The following USP6 variants were observed in gnomAD, a reference collection of about 807,000 sequenced individuals.
USP6 encodes ubiquitin specific peptidase 6.
Under a neutral mutation model 175.7 loss-of-function variants are expected in USP6, and 128 were observed. The observed-to-expected ratio is 0.73, with a 90% CI of 0.63 to 0.84. The LOEUF is 0.84. Ranked by LOEUF, USP6 falls within the 40% of genes least tolerant of loss-of-function variation. USP6 has a pLI of 0.00. For synonymous variants in USP6, 562 were observed against 630.6 expected, an observed-to-expected ratio of 0.89 and a Z score of 1.63; for missense variants, 1,498 against 1,760.3, an observed-to-expected ratio of 0.85 and a Z score of 2.67.
At chr17:5,137,835 T>C (rs1339395848) in intron 20 of USP6, 85 bp downstream of exon 20, 1 of 1,593,138 alleles carries the variant, frequency 6.3e-7, no homozygotes, top group Non-Finnish European at 8.5e-7. Context: ...CACACTGTCC[T>C]CATGATCCTC....
chr17:5,172,440 A>C (rs2074246281), intron 37 of USP6, among the ~76,000 whole-genome samples: 1 of 152,232 alleles, frequency 6.6e-6, no homozygotes, highest in African/African-American at 2.4e-5. Context: ...CTGAGGCAGG[A>C]GAATCGCTTG....
intron 22 of USP6, 87 bp from the exon 23 acceptor site, chr17:5,141,338 A>G (rs2073439684): frequency 8.4e-7 from 1 of 1,194,996 alleles, no homozygotes; most frequent in South Asian, 1.4e-5. Context: ...TAGGAATAAG[A>G]TGTCTTTAAA....
In USP6 at chr17:5,142,457, A is replaced by G. The variant is rs775319410; in HGVS notation, c.1773A>G (p.Glu591=). The change falls in exon 25 of 38, where the codon GAA becomes GAG. Residue 591 remains glutamate (E), a synonymous_variant. Transcript: ENST00000574788. ...AATGCTATGGTGATTTAGTGCAGGAACTCTGGAGTGGAACTCAGAAGAGTG... is the reference window on the plus strand; with the variant it reads ...AATGCTATGGTGATTTAGTGCAGGAGCTCTGGAGTGGAACTCAGAAGAGTG... ...MAKCYGDLVQ[E]LWSGTQKSVA... The G allele has an allele frequency of 5.3e-5, 85 of 1,613,718 alleles. No homozygotes were observed. Among genetic ancestry groups the G allele is most frequent in the Non-Finnish European group, 7.0e-5 (83 of 1,179,828 alleles).
intron 16 of USP6, among the ~76,000 whole-genome samples, chr17:5,135,601 C>T (rs1322915524): frequency 2.0e-5 from 3 of 152,210 alleles, no homozygotes; most frequent in Non-Finnish European, 2.9e-5. Context: ...ACACGCAGGA[C>T]GGTGCTCTCA....
intron 33 of USP6, among the ~76,000 whole-genome samples, chr17:5,164,974 G>A (rs2144140893): frequency 6.6e-6 from 1 of 152,266 alleles, no homozygotes; most frequent in South Asian, 2.1e-4. Flanking sequence ...TAGAGGAATG[G>A]TTAAATAAAG....
intron 20 of USP6, among the ~76,000 whole-genome samples, 175 bp from the exon 21 acceptor site, chr17:5,137,946 G>A (rs2073311004): frequency 6.6e-6 from 1 of 152,082 alleles, no homozygotes; most frequent in African/African-American, 2.4e-5. Flanking sequence ...AGAGTGTGGT[G>A]AGCACTTCCC....
intron 30 of USP6, among the ~76,000 whole-genome samples, chr17:5,149,510 AC>A (rs2099270837): frequency 1.3e-5 from 2 of 152,198 alleles, no homozygotes; most frequent in Non-Finnish European, 2.9e-5. Context: ...TATGATGCTC[AC>A]ACCTGTAAAT....
intron 33 of USP6, 57 bp from the exon 34 acceptor site, chr17:5,167,875 T>A: frequency 1.3e-6 from 2 of 1,556,462 alleles, no homozygotes; most frequent in South Asian, 2.4e-5. Context: ...CATAGCTAGA[T>A]CACCAGTTTA....
chr17:5,143,722 C>T (rs1009746804), intron 25 of USP6, among the ~76,000 whole-genome samples: 2 of 151,616 alleles, frequency 1.3e-5, no homozygotes, highest in African/African-American at 4.9e-5. Context: ...CCAAATCCCC[C>T]TCTGCGAGAA....
chr17:5,127,493 C>G lies in USP6; in HGVS notation c.-473-11C>G, dbSNP rs1388670826. ...CGTGAACTTGTCTTGTTTCTTGTCTCTTCTTGCTAGGGCTGTCATTGGGAC... is the reference window on the plus strand; with the variant it reads ...CGTGAACTTGTCTTGTTTCTTGTCTGTTCTTGCTAGGGCTGTCATTGGGAC... On this transcript the variant is annotated splice_polypyrimidine_tract_variant and intron_variant, in intron 6 of 37. Transcript: ENST00000574788. 1 of 152,262 alleles carries G rather than the reference C, an allele frequency of 6.6e-6. No individual in the cohort carries two copies. The highest frequency in any genetic ancestry group is 1.5e-5 in the Non-Finnish European group (1 of 68,064). 9.4% of individuals were successfully genotyped at this position (152,262 alleles called of 1,614,324 possible). A position where few individuals can be genotyped will look rare whatever the true frequency, so the allele number is the denominator to read the frequency against.
In USP6 at chr17:5,140,908, A is replaced by G. The variant is rs536002311; in HGVS notation, c.1499-517A>G. On this transcript the variant is annotated intron_variant, in intron 22 of 37. Transcript: ENST00000574788. ...CCTTTAAGAAACACTTTGACAGTGA[A>G]TCTAGGCCTCAATATCCATCAGCTG... Among the ~76,000 whole-genome samples the G allele has an allele frequency of 1.9e-3, 291 of 152,320 alleles. 1 individual carries two copies. Among genetic ancestry groups the G allele is most frequent in the Non-Finnish European group, 3.1e-3 (211 of 68,032 alleles).
intron 25 of USP6, 134 bp downstream of exon 25, chr17:5,142,636 G>A: frequency 1.5e-6 from 2 of 1,361,428 alleles, no homozygotes; most frequent in Non-Finnish European, 1.9e-6. Flanking sequence ...ATAAACAAGA[G>A]GCCAAATTCT....
At position 5,174,757 on chromosome 17, in the gene USP6, G is replaced by A. The variant is rs566203621; in HGVS notation, c.*1779G>A. On this transcript the variant is annotated 3_prime_UTR_variant, in exon 38 of 38. Transcript: ENST00000574788. ...TAATTTTTTTAATTCATGAACTAGC[G>A]GAAAATTTATTAAATTAACTATTAA... The A allele has an allele frequency of 9.5e-5, 19 of 199,800 alleles. No homozygotes were observed. The highest frequency in any genetic ancestry group is 3.8e-4 in the South Asian group (2 of 5,220). The allele number at this position is 199,800 out of a possible 1,614,324, so 12.4% of individuals were successfully genotyped here. A position where few individuals can be genotyped will look rare whatever the true frequency, so the allele number is the denominator to read the frequency against.
rs2072538889 is a variant in USP6, at chr17:5,116,341, C to CACCACTCCCGGCCCCGCT, written c.-2327_-2326insACCACTCCCGGCCCCGCT. On this transcript the variant is annotated 5_prime_UTR_variant, in exon 1 of 38. Transcript: ENST00000574788. ...CGGCCCGCCTCACCACTCCCGGCTT[C>CACCACTCCCGGCCCCGCT]CCGGGGCTTAGGCCCGCACCATCGA... 6.5e-6 allele frequency: 1 copy of CACCACTCCCGGCCCCGCT among 152,776 alleles called. No homozygotes were observed. The allele number at this position is 152,776 out of a possible 1,614,324, so 9.5% of individuals were successfully genotyped here.
In USP6 at chr17:5,174,216, TA is replaced by T; in HGVS notation, c.*1241del. ...ATTATTTAAGATTGGAACAAAAGTA[TA>T]AATATTATTTATTTGAGGTAGAATT... On this transcript the variant is annotated 3_prime_UTR_variant, in exon 38 of 38. Coordinates refer to ENST00000574788, the MANE Select transcript of USP6 (RefSeq NM_001304284.2). The T allele has an allele frequency of 1.0e-5, 2 of 191,570 alleles. No individual in the cohort carries two copies. The highest frequency in any genetic ancestry group is 2.2e-5 in the Non-Finnish European group (2 of 91,068). The allele number at this position is 191,570 out of a possible 1,614,324, so 11.9% of individuals were successfully genotyped here. A position where few individuals can be genotyped will look rare whatever the true frequency, so the allele number is the denominator to read the frequency against.
intron 21 of USP6, chr17:5,138,897 A>G: frequency 1.1e-6 from 1 of 943,768 alleles, no homozygotes; most frequent in Non-Finnish European, 1.5e-6. Flanking sequence ...ACAGGTCCCC[A>G]TGTGAGGTGG....
At chr17:5,138,941 C>T in intron 21 of USP6, 1 of 1,353,436 alleles carries the variant, frequency 7.4e-7, no homozygotes, top group Non-Finnish European at 9.9e-7. Flanking sequence ...GCCCCTCCCA[C>T]TTGAGTTCTG....
In USP6 at chr17:5,162,920, C is replaced by T. The variant is rs1248352910; in HGVS notation, c.2952C>T (p.Asp984=). ...CRGCKIDCGE[D]RAFIGNAYIA... is the part of the protein sequence containing the mutation. Reference sequence around the variant, plus strand: ...GCTGTAAAATTGATTGTGGGGAAGACAGAGCTTTCATTGGAAATGCCTATA... The same window carrying T: ...GCTGTAAAATTGATTGTGGGGAAGATAGAGCTTTCATTGGAAATGCCTATA... Residue 984 remains aspartate (D), a synonymous_variant, in exon 33 of 38, where the codon GAC becomes GAT. Transcript: ENST00000574788. 38 of 1,607,636 alleles carry T rather than the reference C, an allele frequency of 2.4e-5. No homozygotes were observed. Among genetic ancestry groups the T allele is most frequent in the Non-Finnish European group, 3.1e-5 (36 of 1,178,612 alleles).
chr17:5,149,696 G>T (rs1188483174), intron 30 of USP6, among the ~76,000 whole-genome samples: 6 of 148,670 alleles, frequency 4.0e-5, no homozygotes, highest in Non-Finnish European at 6.0e-5. Flanking sequence ...TTTGGGTTTT[G>T]TTTTTTTTTT....
Sources: allele counts gnomAD v4.1 joint callset (sites outside exome capture counted in the v4.1 genomes callset), GRCh38; gene constraint gnomAD v4.1.1; transcripts MANE v1.5; gene names NCBI Gene and HGNC (gene_info 2026-07-23, HGNC 2026-07-21).